FAM120A: variants seen among roughly 807,000 people sequenced by gnomAD.
The protein encoded by FAM120A is family with sequence similarity 120 member A, also known as constitutive coactivator of PPAR-gamma-like protein 1.
Under a neutral mutation model 109.7 loss-of-function variants are expected in FAM120A, and 15 were observed. That is an observed-to-expected ratio of 0.14 (90% confidence interval 0.09 to 0.21). FAM120A has a LOEUF of 0.21. Among genes scored for constraint, FAM120A ranks in the 10% least tolerant of loss-of-function variants. The pLI, the probability that FAM120A is intolerant of heterozygous loss-of-function variation, is 1.00. For synonymous variants in FAM120A, 493 were observed against 572.8 expected, an observed-to-expected ratio of 0.86 and a Z score of 1.99; for missense variants, 899 against 1,439.3, an observed-to-expected ratio of 0.62 and a Z score of 6.07.
intron 5 of FAM120A, among the ~76,000 whole-genome samples, chr9:93,512,898 C>A (rs1860395094): frequency 6.6e-6 from 1 of 152,134 alleles, no homozygotes; most frequent in Admixed American, 6.5e-5. Flanking sequence ...AGAAAATATT[C>A]TTTCCTTGGA....
intron 1 of FAM120A, among the ~76,000 whole-genome samples, chr9:93,467,258 C>CCA (rs56698785): frequency 1.0e-4 from 5 of 49,122 alleles, no homozygotes; most frequent in African/African-American, 1.6e-4. Flanking sequence ...CCCCCCCCCC[C>CCA]TTTTCCCCCA....
At chr9:93,478,703 T>C (rs898483501) in intron 3 of FAM120A, among the ~76,000 whole-genome samples, 2 of 152,178 alleles carry the variant, frequency 1.3e-5, no homozygotes, top group Non-Finnish European at 2.9e-5. Context: ...CTCGAACACC[T>C]GACCTCAGGT....
At position 93,452,954 on chromosome 9, in the gene FAM120A, T is replaced by C. The variant is rs1302605178; in HGVS notation, c.474+565T>C. ...TAAGGGCCAGTGCCCTGGCCTCTAC[T>C]TCAGAACGCAGTGCCCTGTCCGTGT... On this transcript the variant is annotated intron_variant, in intron 1 of 17. Coordinates refer to ENST00000277165, the MANE Select transcript of FAM120A (RefSeq NM_014612.5). This position sits in a 1 kb window ranked among gnomAD's most constrained non-coding sequence, Gnocchi z 7.0. The C allele has an allele frequency of 6.5e-6, 9 of 1,383,612 alleles. No homozygotes were observed. The East Asian group carries it at 2.6e-4, about 40-fold the overall frequency. The allele number at this position is 1,383,612 out of a possible 1,614,324, so 85.7% of individuals were successfully genotyped here.
rs1214180688 is a variant in FAM120A at position 93,495,335 on chromosome 9, A to G, written c.805-2136A>G. 9.2e-5 allele frequency among the ~76,000 whole-genome samples: 14 copies of G among 152,236 alleles called. 2 individuals carry two copies. Among genetic ancestry groups the G allele is most frequent in the African/African-American group, 3.4e-4 (14 of 41,460 alleles). ...ATATACCACCATGATCCTCAACAAC[A>G]ACAAAATAACAGTAACCTAATACAC... is the stretch of plus-strand genomic sequence containing the variant. On this transcript the variant is annotated intron_variant, in intron 3 of 17. Transcript: ENST00000277165.
At chr9:93,557,021 C>T (rs528151506) in intron 13 of FAM120A, among the ~76,000 whole-genome samples, 9 of 152,018 alleles carry the variant, frequency 5.9e-5, no homozygotes, top group East Asian at 5.8e-4. Context: ...TTCTGTAACA[C>T]GTATATTCTC....
At chr9:93,455,603 T>C (rs1364873248) in intron 1 of FAM120A, among the ~76,000 whole-genome samples, 1 of 152,196 alleles carries the variant, frequency 6.6e-6, no homozygotes, top group Non-Finnish European at 1.5e-5. Flanking sequence ...ATCTTATTGG[T>C]GCTTTCTAGT....
At chr9:93,527,451 T>A (rs1018165672) in intron 8 of FAM120A, among the ~76,000 whole-genome samples, 1 of 152,152 alleles carries the variant, frequency 6.6e-6, no homozygotes, top group East Asian at 1.9e-4. Context: ...TGCATTTCCT[T>A]GTTTGCTCAC....
chr9:93,503,970 G>GGGGAAGTGAACACCAGGGAATCCTGCA (rs1859919368), intron 5 of FAM120A, among the ~76,000 whole-genome samples: 1 of 152,144 alleles, frequency 6.6e-6, no homozygotes, highest in Non-Finnish European at 1.5e-5. Flanking sequence ...AATGTATAGT[G>GGGGAAGTGAACACCAGGGAATCCTGCA]GGGAAGTGAA....
chr9:93,497,059 A>G (rs1003154441), intron 3 of FAM120A, among the ~76,000 whole-genome samples: 12 of 152,124 alleles, frequency 7.9e-5, no homozygotes, highest in African/African-American at 2.9e-4. Context: ...GCAGGCCTTC[A>G]TCTTTGTTGG....
At chr9:93,480,367 T>C in intron 3 of FAM120A, among the ~76,000 whole-genome samples, 1 of 152,166 alleles carries the variant, frequency 6.6e-6, no homozygotes, top group East Asian at 1.9e-4. Context: ...GCTGTTGGGA[T>C]TCCTTGCTGC....
At chr9:93,523,359 CA>C in intron 7 of FAM120A, 2 of 1,285,386 alleles carry the variant, frequency 1.6e-6, no homozygotes, top group Non-Finnish European at 2.0e-6. Flanking sequence ...GATCCTGAGG[CA>C]TGGGTAGGTA....
At chr9:93,468,550 C>T (rs1407564245) in intron 1 of FAM120A, among the ~76,000 whole-genome samples, 1 of 152,148 alleles carries the variant, frequency 6.6e-6, no homozygotes, top group African/African-American at 2.4e-5. Flanking sequence ...ATAATTCCAC[C>T]ACTCTGATTA....
chr9:93,491,848 TA>T (rs900633737), intron 3 of FAM120A, among the ~76,000 whole-genome samples: 1 of 152,110 alleles, frequency 6.6e-6, no homozygotes, highest in Non-Finnish European at 1.5e-5. Context: ...GGCTAAGATT[TA>T]AAAAAACTGA....
intron 2 of FAM120A, 33 bp downstream of exon 2, chr9:93,471,420 G>T: frequency 6.2e-7 from 1 of 1,611,640 alleles, no homozygotes; most frequent in South Asian, 1.1e-5. Flanking sequence ...ATTTTATAAG[G>T]GAGTGACCAT....
intron 13 of FAM120A, 93 bp downstream of exon 13, chr9:93,556,684 G>A: frequency 7.7e-7 from 1 of 1,304,568 alleles, no homozygotes; most frequent in Non-Finnish European, 1.1e-6. Context: ...TTATCATCCT[G>A]TGTTTCAAGA....
Position 93,561,143 on chromosome 9 carries a change from A to G in FAM120A, c.2841A>G (p.Leu947=). Residue 947 remains leucine (L), a synonymous_variant, in exon 16 of 18, where the codon CTA becomes CTG. Coordinates refer to ENST00000277165, the MANE Select transcript of FAM120A (RefSeq NM_014612.5). ...VQPIPSQGGK[L]EIAGTVVGHW... is the part of the protein sequence containing the mutation. ...CTATACCTTCTCAGGGAGGCAAACTAGAAATAGCTGGCACTGTGGTTGGCC... is the reference window on the plus strand; with the variant it reads ...CTATACCTTCTCAGGGAGGCAAACTGGAAATAGCTGGCACTGTGGTTGGCC... 1 of 1,613,928 alleles carries G rather than the reference A, an allele frequency of 6.2e-7. No homozygotes were observed. The highest frequency in any genetic ancestry group is 8.5e-7 in the Non-Finnish European group (1 of 1,180,028).
At chr9:93,540,248 C>T (rs952395305) in intron 10 of FAM120A, among the ~76,000 whole-genome samples, 3 of 152,342 alleles carry the variant, frequency 2.0e-5, no homozygotes, top group Admixed American at 2.0e-4. Context: ...ACTGATTGGC[C>T]TAAGGTTCCA....
chr9:93,518,814 C>T (rs550677546), intron 7 of FAM120A, among the ~76,000 whole-genome samples: 5 of 152,328 alleles, frequency 3.3e-5, no homozygotes, highest in Middle Eastern at 3.4e-3. Flanking sequence ...CTACGTGCCA[C>T]GGGAAACATC....
At chr9:93,560,159 G>A (rs1401688863) in intron 15 of FAM120A, among the ~76,000 whole-genome samples, 1 of 152,080 alleles carries the variant, frequency 6.6e-6, no homozygotes, top group Non-Finnish European at 1.5e-5. Flanking sequence ...GCCAGGTATG[G>A]TGGTGCACAC....
Sources: gnomAD v4.1 joint callset for allele counts (sites outside exome capture counted in the v4.1 genomes callset) on GRCh38, gnomAD v4.1.1 for gene constraint, Gnocchi (gnomAD v3.1) non-coding constraint, MANE v1.5 for transcripts, NCBI Gene and HGNC (gene_info 2026-07-23, HGNC 2026-07-21) for gene names.